The following FHIT variants were observed in gnomAD, a reference collection of about 807,000 sequenced individuals.
The protein encoded by FHIT is bis(5'-adenosyl)-triphosphatase.
A neutral mutation model predicts 17.9 loss-of-function variants in FHIT; 19 were observed. The ratio of observed to expected loss-of-function variants is 1.06; its 90% confidence interval spans 0.74 to 1.56. The LOEUF (loss-of-function observed/expected upper bound fraction) is 1.56. FHIT is among the 40% of genes most tolerant of loss of function. FHIT has a pLI of 0.00. For synonymous variants in FHIT, 81 were observed against 69.7 expected, an observed-to-expected ratio of 1.16 and a Z score of -0.81; for missense variants, 248 against 189.2, an observed-to-expected ratio of 1.31 and a Z score of -1.82.
At chr3:60,960,596 C>T (rs1271679326) in intron 3 of FHIT, among the ~76,000 whole-genome samples, 3 of 131,648 alleles carry the variant, frequency 2.3e-5, no homozygotes, top group African/African-American at 5.0e-5. Flanking sequence ...CAACAGGCCC[C>T]GGTGTGTGGC....
At chr3:60,251,220 T>C (rs1705693905) in intron 5 of FHIT, among the ~76,000 whole-genome samples, 1 of 152,224 alleles carries the variant, frequency 6.6e-6, no homozygotes, top group Non-Finnish European at 1.5e-5. Context: ...CTTTTAAGTA[T>C]TAGGTCAATA....
At chr3:61,199,685 T>C (rs1406381563) in intron 2 of FHIT, among the ~76,000 whole-genome samples, 3 of 152,146 alleles carry the variant, frequency 2.0e-5, no homozygotes, top group Admixed American at 6.6e-5. Context: ...TTAAAGTACA[T>C]GGTAAATCAA....
At chr3:61,088,946 G>A (rs72877859) in intron 2 of FHIT, among the ~76,000 whole-genome samples, 1,565 of 152,182 alleles carry the variant, frequency 0.01, 19 homozygotes, top group African/African-American at 0.034. Flanking sequence ...TGGACATTGG[G>A]GAATATCAAC....
intron 8 of FHIT, among the ~76,000 whole-genome samples, chr3:59,891,667 G>A (rs966632246): frequency 1.3e-5 from 2 of 152,196 alleles, no homozygotes; most frequent in African/African-American, 4.8e-5. Context: ...CCCAGCAGCA[G>A]GCATACATAG....
intron 4 of FHIT, among the ~76,000 whole-genome samples, chr3:60,657,943 A>G (rs1553690090): frequency 6.6e-6 from 1 of 152,182 alleles, no homozygotes; most frequent in Non-Finnish European, 1.5e-5. Context: ...GGTAAAACAT[A>G]CATAACATAA....
At chr3:60,773,539 A>T (rs6787897) in intron 4 of FHIT, among the ~76,000 whole-genome samples, 1 of 151,888 alleles carries the variant, frequency 6.6e-6, no homozygotes, top group African/African-American at 2.4e-5. Context: ...TTTTTTTTCT[A>T]TGTCTTCTCT....
At chr3:60,645,652 G>A (rs2039837970) in intron 4 of FHIT, among the ~76,000 whole-genome samples, 1 of 152,158 alleles carries the variant, frequency 6.6e-6, no homozygotes, top group African/African-American at 2.4e-5. Flanking sequence ...TTTGGTCGCT[G>A]TATTATGGGT....
intron 5 of FHIT, among the ~76,000 whole-genome samples, chr3:60,136,437 A>G (rs567629976): frequency 2.6e-5 from 4 of 152,306 alleles, no homozygotes; most frequent in African/African-American, 9.6e-5. Flanking sequence ...CCCTTTGCTC[A>G]GAAATACTTT....
chr3:60,385,096 A>T (rs1343734312), intron 5 of FHIT, among the ~76,000 whole-genome samples: 1 of 152,204 alleles, frequency 6.6e-6, no homozygotes, highest in African/African-American at 2.4e-5. Context: ...ACAATATAGC[A>T]TTTGCTATAT....
chr3:59,764,495 T>C (rs558047130), intron 8 of FHIT, among the ~76,000 whole-genome samples: 1 of 152,328 alleles, frequency 6.6e-6, no homozygotes, highest in South Asian at 2.1e-4. Context: ...CGTTGGAAGT[T>C]ACATGCCCTG....
intron 5 of FHIT, among the ~76,000 whole-genome samples, chr3:60,278,018 T>C (rs759527430): frequency 5.3e-5 from 8 of 152,122 alleles, no homozygotes; most frequent in Non-Finnish European, 7.4e-5. Flanking sequence ...TGGAGAAACA[T>C]GTAAACACAA....
At chr3:60,064,232 A>G (rs1702407157) in intron 5 of FHIT, among the ~76,000 whole-genome samples, 1 of 152,192 alleles carries the variant, frequency 6.6e-6, no homozygotes, top group South Asian at 2.1e-4. Flanking sequence ...AAAGTAAAAT[A>G]ATTACCTAGT....
intron 5 of FHIT, among the ~76,000 whole-genome samples, chr3:60,391,033 T>C (rs972336198): frequency 6.6e-6 from 1 of 151,904 alleles, no homozygotes; most frequent in South Asian, 2.1e-4. Flanking sequence ...ACTACAAATA[T>C]AAAAATTAGC....
At chr3:59,796,770 G>A in intron 8 of FHIT, among the ~76,000 whole-genome samples, 1 of 152,216 alleles carries the variant, frequency 6.6e-6, no homozygotes, top group Non-Finnish European at 1.5e-5. Context: ...AGTATTCTCA[G>A]TGACAAAGGG....
intron 4 of FHIT, among the ~76,000 whole-genome samples, chr3:60,624,524 G>A (rs1229191316): frequency 6.6e-6 from 1 of 152,116 alleles, no homozygotes; most frequent in Non-Finnish European, 1.5e-5. Context: ...GAATAGGAAT[G>A]AAGAGAGAGG....
intron 2 of FHIT, among the ~76,000 whole-genome samples, chr3:61,065,482 G>A (rs1419200974): frequency 6.6e-6 from 1 of 152,140 alleles, no homozygotes; most frequent in Non-Finnish European, 1.5e-5. Flanking sequence ...CTGAGATCAA[G>A]AAGGTCCAAT....
intron 5 of FHIT, among the ~76,000 whole-genome samples, chr3:60,227,284 A>G (rs1051010473): frequency 2.0e-5 from 3 of 152,180 alleles, no homozygotes; most frequent in Non-Finnish European, 4.4e-5. Context: ...TTCATACATT[A>G]TTAGATTTTA....
intron 5 of FHIT, among the ~76,000 whole-genome samples, chr3:60,359,134 C>T (rs1436136600): frequency 6.6e-6 from 1 of 152,002 alleles, no homozygotes; most frequent in East Asian, 1.9e-4. Context: ...AGAAACCTTC[C>T]CCAAGAGTCA....
intron 5 of FHIT, among the ~76,000 whole-genome samples, chr3:60,223,613 A>AT (rs1275187350): frequency 1.3e-5 from 2 of 152,130 alleles, no homozygotes; most frequent in African/African-American, 4.8e-5. Flanking sequence ...TTACTCAGTG[A>AT]TTTTTAAGTG....
Sources: allele counts gnomAD v4.1 joint callset (sites outside exome capture counted in the v4.1 genomes callset), GRCh38; gene constraint gnomAD v4.1.1; transcripts MANE v1.5; gene names NCBI Gene and HGNC (gene_info 2026-07-23, HGNC 2026-07-21).